Variants in MAP4 observed in about 807,000 individuals in gnomAD.
The protein encoded by MAP4 is microtubule-associated protein 4.
Under a neutral mutation model 170.2 loss-of-function variants are expected in MAP4, and 76 were observed. That is an observed-to-expected ratio of 0.45 (90% CI 0.37 to 0.54). MAP4 has a LOEUF of 0.54. Among genes scored for constraint, MAP4 ranks in the 20% least tolerant of loss-of-function variants. MAP4 has a pLI of 0.00. For synonymous variants in MAP4, 909 were observed against 994.5 expected, an observed-to-expected ratio of 0.91 and a Z score of 1.62; for missense variants, 2,506 against 2,748.0, an observed-to-expected ratio of 0.91 and a Z score of 1.97.
At chr3:47,862,294 A>AT (rs1035831241) in intron 17 of MAP4, among the ~76,000 whole-genome samples, 3 of 138,334 alleles carry the variant, frequency 2.2e-5, no homozygotes, top group African/African-American at 5.3e-5. Context: ...CAAAAATATG[A>AT]TTTTAAATGT....
chr3:47,955,474 ACACAC>A (rs1228232261), intron 3 of MAP4, among the ~76,000 whole-genome samples: 8 of 150,594 alleles, frequency 5.3e-5, no homozygotes, highest in Admixed American at 4.6e-4. Context: ...ACACACACAC[ACACAC>A]ACTAGTCAAC....
Position 47,864,789 on chromosome 3 carries a change from C to A in MAP4, c.6501+2457G>T, listed in dbSNP as rs566247798. Among the ~76,000 whole-genome samples, 33 of 152,282 alleles carry A rather than the reference C, an allele frequency of 2.2e-4. No individual in the cohort carries two copies. In the South Asian group the frequency reaches 6.0e-3, roughly 28 times the overall value. ...AGCTGACGAAGGAGAATCGCTTGAACCTGGGAGGCAGAGGTTGCAGTGAGC... is the reference window on the plus strand; with the variant it reads ...AGCTGACGAAGGAGAATCGCTTGAAACTGGGAGGCAGAGGTTGCAGTGAGC... On this transcript the variant is annotated intron_variant, in intron 17 of 20. Transcript: ENST00000683076.
At chr3:47,900,214 T>C (rs981362809) in intron 10 of MAP4, among the ~76,000 whole-genome samples, 2 of 152,202 alleles carry the variant, frequency 1.3e-5, no homozygotes, top group Non-Finnish European at 2.9e-5. Flanking sequence ...TAATCTAGTT[T>C]CTTCCCTGGA....
chr3:47,917,608 G>T (rs1033291040), intron 6 of MAP4, among the ~76,000 whole-genome samples: 1 of 145,970 alleles, frequency 6.9e-6, no homozygotes, highest in Admixed American at 6.9e-5. Flanking sequence ...AAAAAAAGAA[G>T]AAGAAGCTAA....
intron 10 of MAP4, among the ~76,000 whole-genome samples, chr3:47,883,365 C>A (rs1437409013): frequency 6.6e-6 from 1 of 152,080 alleles, no homozygotes; most frequent in Non-Finnish European, 1.5e-5. Flanking sequence ...GCTGGGATTA[C>A]AGGTATGCGT....
chr3:47,874,534 A>G (rs950645347), intron 12 of MAP4, among the ~76,000 whole-genome samples: 12 of 152,114 alleles, frequency 7.9e-5, no homozygotes, highest in Non-Finnish European at 1.6e-4. Flanking sequence ...CTTCATTTAT[A>G]TGATTATTAT....
At chr3:47,991,776 C>T (rs2100092434) in intron 2 of MAP4, among the ~76,000 whole-genome samples, 1 of 151,792 alleles carries the variant, frequency 6.6e-6, no homozygotes, top group Non-Finnish European at 1.5e-5. Context: ...CAAGTGATTA[C>T]TCTTGCCTCA....
chr3:47,862,337 A>T (rs955854901), intron 17 of MAP4, among the ~76,000 whole-genome samples: 3 of 128,242 alleles, frequency 2.3e-5, no homozygotes, highest in Non-Finnish European at 4.7e-5. Flanking sequence ...ACAGAGCGAG[A>T]CTGTGTCTCA....
rs757460367 is a variant in MAP4 at position 47,966,228 on chromosome 3, C to CTTTTTTTTTTTTTT, written c.292+11623_292+11636dup. Among the ~76,000 whole-genome samples, 5 of 50,262 alleles carry CTTTTTTTTTTTTTT rather than the reference C, an allele frequency of 9.9e-5. 2 individuals carry two copies. Among genetic ancestry groups the CTTTTTTTTTTTTTT allele is most frequent in the African/African-American group, 3.7e-4 (5 of 13,338 alleles). 33.0% of individuals were successfully genotyped at this position (50,262 alleles called of 152,430 possible). ...AGCTGGGACTACAGGCCCACACTAC[C>CTTTTTTTTTTTTTT]TTTTTTTTTTTTTTTTTTTTTTTTT... On this transcript the variant is annotated intron_variant, in intron 3 of 20. Coordinates refer to ENST00000683076, the MANE Select transcript of MAP4 (RefSeq NM_001385682.1).
intron 18 of MAP4, 32 bp downstream of exon 18, chr3:47,857,399 G>C: frequency 5.7e-6 from 9 of 1,591,372 alleles, no homozygotes; most frequent in Non-Finnish European, 7.8e-6. Context: ...ACATACCCTG[G>C]AGACCCAGTG....
intron 10 of MAP4, among the ~76,000 whole-genome samples, chr3:47,896,864 G>C (rs796566): frequency 0.36 from 55,071 of 152,006 alleles, 10,777 homozygotes; most frequent in African/African-American, 0.51. Flanking sequence ...TTAGGACAAG[G>C]GTCCATTATA....
chr3:47,939,963 G>A (rs1452271723), intron 3 of MAP4, among the ~76,000 whole-genome samples: 1 of 151,834 alleles, frequency 6.6e-6, no homozygotes, highest in Non-Finnish European at 1.5e-5. Flanking sequence ...TCAGCCTCTC[G>A]AGTAGCTGGG....
In MAP4 at chr3:47,916,452, T is replaced by C. The variant is rs142027747; in HGVS notation, c.1375A>G (p.Ile459Val). The change falls in exon 7 of 21, where the codon ATC (isoleucine) becomes GTC (valine). Residue 459 changes from isoleucine to valine, a missense_variant. By Grantham distance (29) the Ile-to-Val change is conservative. Coordinates refer to ENST00000683076, the MANE Select transcript of MAP4 (RefSeq NM_001385682.1). ...DMTLPPETNV[I>V]LTKDKALPLE... ...GGTAGTGCTTTATCCTTGGTCAAGA[T>C]CACGTTGGTTTCCGGGGGCAGTGTC... 179 of 1,614,170 alleles carry C rather than the reference T, an allele frequency of 1.1e-4. No homozygotes were observed. The highest frequency in any genetic ancestry group is 1.4e-4 in the Non-Finnish European group (171 of 1,180,014).
intron 3 of MAP4, among the ~76,000 whole-genome samples, chr3:47,954,763 A>G (rs981277660): frequency 6.6e-6 from 1 of 152,196 alleles, no homozygotes; most frequent in Non-Finnish European, 1.5e-5. Context: ...GTCAGGTAAT[A>G]GATGAAATGC....
intron 10 of MAP4, chr3:47,891,222 G>C: frequency 1.3e-6 from 2 of 1,536,174 alleles, no homozygotes; most frequent in Non-Finnish European, 1.7e-6. Context: ...ATCTGCTCCA[G>C]CTTACTATGG....
chr3:47,892,175 C>T, intron 10 of MAP4: 1 of 1,536,376 alleles, frequency 6.5e-7, no homozygotes, highest in Non-Finnish European at 8.7e-7. Flanking sequence ...CACATACCTG[C>T]TCTCAAGGTG....
chr3:47,901,487 G>A (rs1364637974), intron 10 of MAP4, among the ~76,000 whole-genome samples: 1 of 152,036 alleles, frequency 6.6e-6, no homozygotes, highest in Non-Finnish European at 1.5e-5. Flanking sequence ...ACTAGGTTGT[G>A]CAACATGGCC....
At chr3:47,992,274 CAAGACTAAAT>C (rs2100092790) in intron 2 of MAP4, among the ~76,000 whole-genome samples, 1 of 152,156 alleles carries the variant, frequency 6.6e-6, no homozygotes, top group South Asian at 2.1e-4. Flanking sequence ...CAGATTTCTA[CAAGACTAAAT>C]AAGGCGGCTT....
intron 1 of MAP4, among the ~76,000 whole-genome samples, chr3:48,043,232 C>A (rs1432511212): frequency 6.6e-6 from 1 of 152,278 alleles, no homozygotes; most frequent in South Asian, 2.1e-4. Context: ...TCCCAAGTAG[C>A]CGGGATTACA....
Sources: gnomAD v4.1 joint callset for allele counts (sites outside exome capture counted in the v4.1 genomes callset) on GRCh38, gnomAD v4.1.1 for gene constraint, MANE v1.5 for transcripts, NCBI Gene and HGNC (gene_info 2026-07-23, HGNC 2026-07-21) for gene names.